CLEC16A: variants seen among roughly 807,000 people sequenced by gnomAD.
CLEC16A encodes the protein protein CLEC16A.
CLEC16A carries 51 observed loss-of-function variants against 109.5 expected under a neutral mutation model. The ratio of observed to expected loss-of-function variants is 0.47; its 90% CI spans 0.37 to 0.59. CLEC16A has a LOEUF of 0.59. CLEC16A is among the 20% of genes least tolerant of loss of function. CLEC16A has a pLI of 0.00. For missense variants in CLEC16A, 1,339 were observed against 1,394.0 expected, an observed-to-expected ratio of 0.96 and a Z score of 0.63; for synonymous variants, 673 against 564.2, an observed-to-expected ratio of 1.19 and a Z score of -2.73.
Position 11,150,582 on chromosome 16 carries a change from T to C in CLEC16A, c.2642-15806T>C, listed in dbSNP as rs149560407. ...GTCACAAGGTTTTGTTTTCACAACATTGCCATCATGTCAGAAGCACTTCCC... is the reference window on the plus strand; with the variant it reads ...GTCACAAGGTTTTGTTTTCACAACACTGCCATCATGTCAGAAGCACTTCCC... On this transcript the variant is annotated intron_variant, in intron 22 of 23. Transcript: ENST00000409790. 9.8e-3 allele frequency among the ~76,000 whole-genome samples: 1,489 copies of C among 152,332 alleles called. 27 individuals carry two copies. The highest frequency in any genetic ancestry group is 0.034 in the African/African-American group (1,400 of 41,552).
At chr16:10,975,987 G>A (rs367878625) in intron 7 of CLEC16A, among the ~76,000 whole-genome samples, 1 of 152,134 alleles carries the variant, frequency 6.6e-6, no homozygotes, top group Admixed American at 6.5e-5. Context: ...ATAATTGGCT[G>A]GGCATAGTGG....
intron 22 of CLEC16A, among the ~76,000 whole-genome samples, chr16:11,133,824 G>A (rs989557971): frequency 2.6e-5 from 4 of 152,140 alleles, no homozygotes; most frequent in African/African-American, 9.7e-5. Context: ...AAGGACCTGG[G>A]GCTTCCTCCA....
chr16:11,137,001 G>A (rs138593733), intron 22 of CLEC16A, among the ~76,000 whole-genome samples: 198 of 152,322 alleles, frequency 1.3e-3, no homozygotes, highest in African/African-American at 4.4e-3. Flanking sequence ...CATATTCAGA[G>A]GCAGAACACC....
At chr16:11,092,330 T>G (rs2050348594) in intron 19 of CLEC16A, among the ~76,000 whole-genome samples, 4 of 138,892 alleles carry the variant, frequency 2.9e-5, no homozygotes. Context: ...GGCGATAGAG[T>G]AAGACCTGTC....
chr16:11,123,996 G>C, intron 21 of CLEC16A, 50 bp downstream of exon 21: 1 of 1,530,788 alleles, frequency 6.5e-7, no homozygotes, highest in Non-Finnish European at 8.8e-7. Context: ...TGGTGGGTCA[G>C]GGCTGTTTGT....
rs775028293 is a variant in CLEC16A, at chr16:11,042,258, G to A, written c.1665G>A (p.Gly555=). The change falls in exon 15 of 24, where the codon GGG becomes GGA. Residue 555 remains glycine, a synonymous_variant. Transcript: ENST00000409790. The part of the protein sequence containing the change: ...RIMNNAAQPD[G]KIRLATLELS... Reference sequence around the variant, plus strand: ...TTACCCTGGTGTGCTCTGCAGATGGGAAGATCCGGCTGGCGACGCTGGAGC... The same window carrying A: ...TTACCCTGGTGTGCTCTGCAGATGGAAAGATCCGGCTGGCGACGCTGGAGC... The A allele has an allele frequency of 5.1e-6, 8 of 1,576,486 alleles. No individual in the cohort carries two copies. The highest frequency in any genetic ancestry group is 6.9e-6 in the Non-Finnish European group (8 of 1,161,166).
At chr16:11,147,137 G>A (rs1035901117) in intron 22 of CLEC16A, among the ~76,000 whole-genome samples, 3 of 152,170 alleles carry the variant, frequency 2.0e-5, no homozygotes, top group African/African-American at 7.2e-5. Flanking sequence ...TCAGCCCACA[G>A]GCTGCCCAAT....
intron 3 of CLEC16A, among the ~76,000 whole-genome samples, chr16:10,968,347 T>C (rs2042614067): frequency 6.6e-6 from 1 of 152,240 alleles, no homozygotes; most frequent in African/African-American, 2.4e-5. Flanking sequence ...TGTTGGAATC[T>C]GGTTTTGCCT....
chr16:11,009,686 A>G (rs2045280682), intron 11 of CLEC16A, among the ~76,000 whole-genome samples: 1 of 152,224 alleles, frequency 6.6e-6, no homozygotes, highest in Non-Finnish European at 1.5e-5. Flanking sequence ...GCAGGCACTC[A>G]TTTCCACAAC....
intron 14 of CLEC16A, chr16:11,041,846 C>G (rs2047352703): frequency 6.2e-6 from 1 of 162,340 alleles, no homozygotes; most frequent in Non-Finnish European, 1.3e-5. Context: ...ATGGAGCACC[C>G]CAACTGGCCA....
chr16:11,033,374 A>G (rs1253075799), intron 13 of CLEC16A, among the ~76,000 whole-genome samples: 1 of 152,208 alleles, frequency 6.6e-6, no homozygotes, highest in South Asian at 2.1e-4. Context: ...TGCCATTTCC[A>G]GAACTAACAA....
chr16:11,085,874 G>C (rs899596004), intron 19 of CLEC16A, among the ~76,000 whole-genome samples: 6 of 152,194 alleles, frequency 3.9e-5, no homozygotes, highest in Admixed American at 3.3e-4. Flanking sequence ...TTACAGGCGT[G>C]AGCCACTGTG....
chr16:11,130,932 C>G (rs980338033), intron 22 of CLEC16A, among the ~76,000 whole-genome samples: 5 of 152,144 alleles, frequency 3.3e-5, no homozygotes, highest in Admixed American at 6.5e-5. Flanking sequence ...GAAAATATGC[C>G]TTTCATTTCC....
intron 22 of CLEC16A, among the ~76,000 whole-genome samples, chr16:11,159,504 G>A (rs1476119538): frequency 6.6e-6 from 1 of 152,226 alleles, no homozygotes; most frequent in Non-Finnish European, 1.5e-5. Flanking sequence ...GCCAGCCCGA[G>A]CAGTTCCATT....
chr16:11,086,636 A>G (rs531880943), intron 19 of CLEC16A, among the ~76,000 whole-genome samples: 3 of 152,106 alleles, frequency 2.0e-5, no homozygotes, highest in Non-Finnish European at 1.5e-5. Flanking sequence ...TCCGCCTCCC[A>G]GGTTCAAGCG....
chr16:11,052,354 G>A (rs2047993263), intron 18 of CLEC16A, among the ~76,000 whole-genome samples: 1 of 152,148 alleles, frequency 6.6e-6, no homozygotes, highest in East Asian at 1.9e-4. Flanking sequence ...AGCTCCCCTT[G>A]TCAGCCTTTA....
intron 19 of CLEC16A, among the ~76,000 whole-genome samples, chr16:11,078,267 C>T (rs1481301081): frequency 6.6e-6 from 1 of 152,090 alleles, no homozygotes; most frequent in African/African-American, 2.4e-5. Flanking sequence ...CCAGAAGGTT[C>T]TGAGTCACTG....
At chr16:11,169,989 G>T (rs1212660793) in intron 23 of CLEC16A, among the ~76,000 whole-genome samples, 2 of 152,194 alleles carry the variant, frequency 1.3e-5, no homozygotes, top group Admixed American at 6.5e-5. Context: ...GCCCAGAAAG[G>T]CTGTGCAACT....
chr16:11,062,060 C>G (rs1362383634), intron 19 of CLEC16A, among the ~76,000 whole-genome samples: 1 of 152,198 alleles, frequency 6.6e-6, no homozygotes, highest in African/African-American at 2.4e-5. Flanking sequence ...GGGCACATGA[C>G]CATCCCTGAA....
Sources: allele counts gnomAD v4.1 joint callset (sites outside exome capture counted in the v4.1 genomes callset), GRCh38; gene constraint gnomAD v4.1.1; transcripts MANE v1.5; gene names NCBI Gene and HGNC (gene_info 2026-07-23, HGNC 2026-07-21).